RCOR1: variants seen among roughly 807,000 people sequenced by gnomAD.
RCOR1 encodes the protein REST corepressor.
Under a neutral mutation model 64.0 loss-of-function variants are expected in RCOR1, and 12 were observed. The observed-to-expected ratio is 0.19, with a 90% CI of 0.12 to 0.30. RCOR1 has a LOEUF of 0.30. RCOR1 is among the 10% of genes least tolerant of loss of function. RCOR1 has a pLI of 1.00. For synonymous variants in RCOR1, 279 were observed against 227.2 expected, an observed-to-expected ratio of 1.23 and a Z score of -2.05; for missense variants, 502 against 621.2, an observed-to-expected ratio of 0.81 and a Z score of 2.04.
At position 102,628,931 on chromosome 14, in the gene RCOR1, C is replaced by T. The variant is rs182249110; in HGVS notation, c.361+35606C>T. Among the ~76,000 whole-genome samples, 7 of 150,242 alleles carry T rather than the reference C, an allele frequency of 4.7e-5. No homozygotes were observed. In the East Asian group the frequency reaches 1.4e-3, roughly 29 times the overall value. ...TTTTTGAGACGGTCTCGCTCTGTCA[C>T]CCAGGCTGGAGTGCAGTGGCATGAT... On this transcript the variant is annotated intron_variant, in intron 2 of 11. Coordinates refer to ENST00000262241, the MANE Select transcript of RCOR1 (RefSeq NM_015156.4).
At chr14:102,663,076 C>T (rs1006214983) in intron 2 of RCOR1, among the ~76,000 whole-genome samples, 1 of 152,066 alleles carries the variant, frequency 6.6e-6, no homozygotes, top group African/African-American at 2.4e-5. Context: ...CCAGATCTTT[C>T]CTGTGCTTTT....
At chr14:102,634,487 A>C (rs1461012207) in intron 2 of RCOR1, among the ~76,000 whole-genome samples, 2 of 152,106 alleles carry the variant, frequency 1.3e-5, no homozygotes, top group Admixed American at 1.3e-4. Context: ...TGTCAGATGA[A>C]TATCTGGTTC....
chr14:102,667,443 G>T (rs1894937162), intron 2 of RCOR1, among the ~76,000 whole-genome samples: 1 of 152,080 alleles, frequency 6.6e-6, no homozygotes, highest in South Asian at 2.1e-4. Context: ...GGAGGTTGCA[G>T]TGAGCTGACA....
chr14:102,602,105 G>C (rs1270013655), intron 2 of RCOR1, among the ~76,000 whole-genome samples: 1 of 151,338 alleles, frequency 6.6e-6, no homozygotes, highest in Non-Finnish European at 1.5e-5. Context: ...ATTGCAGTGA[G>C]CCGAGGTTGT....
intron 2 of RCOR1, among the ~76,000 whole-genome samples, chr14:102,598,647 A>G (rs1403431316): frequency 6.6e-6 from 1 of 151,550 alleles, no homozygotes; most frequent in Non-Finnish European, 1.5e-5. Flanking sequence ...ACGGGGTTCC[A>G]CCATGTTAGC....
intron 2 of RCOR1, among the ~76,000 whole-genome samples, chr14:102,603,384 G>A (rs1278582977): frequency 6.6e-6 from 1 of 152,136 alleles, no homozygotes; most frequent in African/African-American, 2.4e-5. Context: ...GAGTGCAGTT[G>A]TGTAATTTTG....
chr14:102,650,124 G>A (rs1894554789), intron 2 of RCOR1, among the ~76,000 whole-genome samples: 1 of 151,556 alleles, frequency 6.6e-6, no homozygotes, highest in Admixed American at 6.6e-5. Flanking sequence ...TGTGAACCTG[G>A]GAGGTGCAGC....
At chr14:102,689,545 A>G (rs1238416279) in intron 3 of RCOR1, among the ~76,000 whole-genome samples, 1 of 152,244 alleles carries the variant, frequency 6.6e-6, no homozygotes, top group East Asian at 1.9e-4. Context: ...TTGGATATCC[A>G]TAGAAACAGA....
chr14:102,692,997 C>T (rs1444247081), intron 3 of RCOR1, among the ~76,000 whole-genome samples: 2 of 152,032 alleles, frequency 1.3e-5, no homozygotes, highest in Non-Finnish European at 2.9e-5. Context: ...AATTCCTGAC[C>T]TCAAGTGATT....
intron 2 of RCOR1, among the ~76,000 whole-genome samples, chr14:102,669,896 G>A (rs182904446): frequency 0.01 from 1,561 of 152,206 alleles, 16 homozygotes; most frequent in Admixed American, 0.015. Context: ...TTACTCATGC[G>A]TAGCATCTCA....
intron 3 of RCOR1, among the ~76,000 whole-genome samples, chr14:102,684,055 C>T (rs1295568499): frequency 6.6e-6 from 1 of 152,250 alleles, no homozygotes; most frequent in South Asian, 2.1e-4. Context: ...TAGTCACAGC[C>T]ACAGCCATCG....
chr14:102,721,289 A>G lies in RCOR1; in HGVS notation c.1132-31A>G, dbSNP rs371613558. 2.5e-6 allele frequency: 4 copies of G among 1,587,110 alleles called. No individual in the cohort carries two copies. In the African/African-American group the frequency reaches 4.0e-5, roughly 16 times the overall value. On this transcript the variant is annotated intron_variant, in intron 9 of 11. Transcript: ENST00000262241. ...AAGGACATACTCATCTCTAAATGTA[A>G]TGTGCTAAAATGACTCATTTGGATA...
At chr14:102,658,677 C>T (rs1364201955) in intron 2 of RCOR1, 3 of 929,272 alleles carry the variant, frequency 3.2e-6, no homozygotes, top group South Asian at 5.0e-5. Context: ...TACCCAGAAA[C>T]CAACACTGAT....
chr14:102,665,450 T>C (rs1245425226), intron 2 of RCOR1, among the ~76,000 whole-genome samples: 2 of 152,148 alleles, frequency 1.3e-5, no homozygotes, highest in Admixed American at 1.3e-4. Flanking sequence ...AAGTGCATTT[T>C]TGGATTACAA....
At chr14:102,665,088 C>T (rs113025579) in intron 2 of RCOR1, among the ~76,000 whole-genome samples, 4,144 of 152,156 alleles carry the variant, frequency 0.027, 98 homozygotes, top group Middle Eastern at 0.048. Flanking sequence ...TCACTGCAAC[C>T]TCTGCCTCCC....
chr14:102,714,512 A>C lies in RCOR1; in HGVS notation c.948A>C (p.Gly316=), dbSNP rs1197427294. ...KNRAKRKPPK[G]MFLSQEDVEA... ...GAGCAAAAAGGAAACCTCCAAAAGGAATGTTTCTTTCTCAAGAAGATGTGG... is the reference window on the plus strand; with the variant it reads ...GAGCAAAAAGGAAACCTCCAAAAGGCATGTTTCTTTCTCAAGAAGATGTGG... Residue 316 remains glycine (G), a synonymous_variant, in exon 8 of 12, where the codon GGA becomes GGC. Transcript: ENST00000262241. 1 of 1,614,024 alleles carries C rather than the reference A, an allele frequency of 6.2e-7. No individual in the cohort carries two copies. The highest frequency in any genetic ancestry group is 2.2e-5 in the East Asian group (1 of 44,886).
At chr14:102,655,269 C>A (rs1255481135) in intron 2 of RCOR1, 1 of 984,956 alleles carries the variant, frequency 1.0e-6, no homozygotes, top group Non-Finnish European at 1.2e-6. Flanking sequence ...TTCCTGGAGG[C>A]AGTTTTCTGA....
At chr14:102,694,938 G>A (rs1895614564) in intron 3 of RCOR1, among the ~76,000 whole-genome samples, 1 of 152,190 alleles carries the variant, frequency 6.6e-6, no homozygotes, top group African/African-American at 2.4e-5. Flanking sequence ...TACAGCAAGA[G>A]TTTCAAAAAT....
intron 3 of RCOR1, among the ~76,000 whole-genome samples, chr14:102,694,459 T>TA (rs1311293189): frequency 1.3e-5 from 2 of 152,140 alleles, no homozygotes; most frequent in Admixed American, 1.3e-4. Flanking sequence ...GTATTTTTAG[T>TA]AGAGATGGGG....
Sources: allele counts gnomAD v4.1 joint callset (sites outside exome capture counted in the v4.1 genomes callset), GRCh38; gene constraint gnomAD v4.1.1; transcripts MANE v1.5; gene names NCBI Gene and HGNC (gene_info 2026-07-23, HGNC 2026-07-21).